The following ASB1 variants were observed in gnomAD, a reference collection of about 807,000 sequenced individuals.
ASB1 encodes the protein ankyrin repeat and SOCS box containing 1.
A neutral mutation model predicts 27.7 loss-of-function variants in ASB1; 18 were observed. The ratio of observed to expected loss-of-function variants is 0.65; its 90% confidence interval spans 0.45 to 0.96. The LOEUF (loss-of-function observed/expected upper bound fraction) is 0.96. Ranked by LOEUF, ASB1 falls within the 50% of genes least tolerant of loss-of-function variation. The pLI, the probability that ASB1 is intolerant of heterozygous loss-of-function variation, is 0.00. For synonymous variants in ASB1, 189 were observed against 187.6 expected, an observed-to-expected ratio of 1.01 and a Z score of -0.06; for missense variants, 397 against 451.7, an observed-to-expected ratio of 0.88 and a Z score of 1.10.
chr2:238,440,073 C>T (rs1012545191), intron 3 of ASB1, among the ~76,000 whole-genome samples: 2 of 152,142 alleles, frequency 1.3e-5, no homozygotes, highest in Admixed American at 1.3e-4. Flanking sequence ...CATCTCTGTC[C>T]TTTTAACATG....
At chr2:238,434,084 A>G (rs549214205) in intron 2 of ASB1, among the ~76,000 whole-genome samples, 2 of 151,576 alleles carry the variant, frequency 1.3e-5, no homozygotes, top group African/African-American at 4.8e-5. Context: ...CTGCTTCACC[A>G]CCTTCCCTAG....
intron 1 of ASB1, among the ~76,000 whole-genome samples, chr2:238,429,488 G>T (rs1290189163): frequency 6.6e-6 from 1 of 152,156 alleles, no homozygotes; most frequent in Non-Finnish European, 1.5e-5. Context: ...TGTGATGCCG[G>T]TTTATCACAT....
chr2:238,438,936 A>G (rs1437113780), intron 3 of ASB1, among the ~76,000 whole-genome samples: 1 of 152,228 alleles, frequency 6.6e-6, no homozygotes, highest in Non-Finnish European at 1.5e-5. Flanking sequence ...GCAATAGAGG[A>G]ATTTGGAAAA....
At chr2:238,427,233 C>T in intron 1 of ASB1, 114 bp downstream of exon 1, 2 of 810,606 alleles carry the variant, frequency 2.5e-6, no homozygotes, top group Non-Finnish European at 3.3e-6. Flanking sequence ...GTCCACGGGG[C>T]AGCCAGGGAG....
chr2:238,444,754 T>C (rs765663759), intron 4 of ASB1, 27 bp downstream of exon 4: 6 of 1,568,688 alleles, frequency 3.8e-6, no homozygotes, highest in East Asian at 2.3e-5. Flanking sequence ...CAGCTCTGAC[T>C]TGTGGGCTGG....
intron 2 of ASB1, among the ~76,000 whole-genome samples, 165 bp downstream of exon 2, chr2:238,433,860 G>A (rs1701918057): frequency 6.6e-6 from 1 of 152,234 alleles, no homozygotes; most frequent in Non-Finnish European, 1.5e-5. Flanking sequence ...GGTCAGAGTT[G>A]TAGGAGACAG....
At chr2:238,444,310 G>A (rs761654296) in intron 3 of ASB1, 32 bp from the exon 4 acceptor site, 5 of 1,576,310 alleles carry the variant, frequency 3.2e-6, no homozygotes, top group Non-Finnish European at 4.3e-6. Context: ...TCAGTCCCCT[G>A]CACAGTCTGA....
At position 238,447,867 on chromosome 2, in the gene ASB1, A is replaced by C. The variant is rs1702209636; in HGVS notation, c.*1356A>C. 2 of 152,270 alleles carry C rather than the reference A, an allele frequency of 1.3e-5. No individual in the cohort carries two copies. Among genetic ancestry groups the C allele is most frequent in the African/African-American group, 2.4e-5 (1 of 41,460 alleles). 9.4% of individuals were successfully genotyped at this position (152,270 alleles called of 1,614,324 possible). ...CTTAGCAGGCAGGCAGTGTCTGGCC[A>C]TTATTGCGTTCTACAGCCAGAGGAT... On this transcript the variant is annotated 3_prime_UTR_variant, in exon 5 of 5. Coordinates refer to ENST00000264607, the MANE Select transcript of ASB1 (RefSeq NM_001040445.3).
At chr2:238,433,794 T>C in intron 2 of ASB1, 99 bp downstream of exon 2, 5 of 1,390,000 alleles carry the variant, frequency 3.6e-6, no homozygotes, top group Non-Finnish European at 4.9e-6. Context: ...ACCTTGATGT[T>C]GGGAGGAATG....
In ASB1 at chr2:238,444,443, G is replaced by C; in HGVS notation, c.596G>C (p.Ser199Thr). 1 of 1,614,160 alleles carries C rather than the reference G, an allele frequency of 6.2e-7. No individual in the cohort carries two copies. The highest frequency in any genetic ancestry group is 8.5e-7 in the Non-Finnish European group (1 of 1,180,028). The change falls in exon 4 of 5, where the codon AGC becomes ACC. Residue 199 changes from serine to threonine, a missense_variant. By Grantham distance (58) the Ser-to-Thr change is moderately conservative (BLOSUM62 1). Transcript: ENST00000264607. ...TTGGTGGTCTGCCCCTTGTACATCA[G>C]CGCAGCCTACCACAACCTCCAGTGC... The part of the protein sequence containing the change: ...TSLVVCPLYI[S>T]AAYHNLQCFR...
intron 2 of ASB1, 64 bp from the exon 3 acceptor site, chr2:238,435,647 G>T: frequency 6.7e-7 from 1 of 1,503,658 alleles, no homozygotes. Flanking sequence ...GGGTGAGGGG[G>T]GCAGTGCAGC....
intron 3 of ASB1, among the ~76,000 whole-genome samples, chr2:238,439,565 T>C (rs1559414579): frequency 6.6e-6 from 1 of 152,170 alleles, no homozygotes; most frequent in Non-Finnish European, 1.5e-5. Context: ...TCCCCACATA[T>C]TGTCCTTTCC....
intron 3 of ASB1, among the ~76,000 whole-genome samples, chr2:238,442,811 C>T (rs1203910174): frequency 6.6e-6 from 1 of 152,196 alleles, no homozygotes; most frequent in Non-Finnish European, 1.5e-5. Context: ...TACACCCTCC[C>T]TTGTTTGAGA....
chr2:238,442,062 G>T (rs1057453021), intron 3 of ASB1, among the ~76,000 whole-genome samples: 1 of 152,050 alleles, frequency 6.6e-6, no homozygotes, highest in African/African-American at 2.4e-5. Context: ...TCTGTTCCGA[G>T]TGAGGCTGAG....
At chr2:238,437,292 C>T (rs930016680) in intron 3 of ASB1, among the ~76,000 whole-genome samples, 2 of 151,918 alleles carry the variant, frequency 1.3e-5, no homozygotes, top group African/African-American at 2.4e-5. Flanking sequence ...AGTGCAGTGG[C>T]GCGATCTTGG....
rs2106414398 is a variant in ASB1 at position 238,452,021 on chromosome 2, A to G, written c.*5510A>G. 1 of 152,148 alleles carries G rather than the reference A, an allele frequency of 6.6e-6. No individual in the cohort carries two copies. Among genetic ancestry groups the G allele is most frequent in the East Asian group, 1.9e-4 (1 of 5,162 alleles). 9.4% of individuals were successfully genotyped at this position (152,148 alleles called of 1,614,324 possible). A position where few individuals can be genotyped will look rare whatever the true frequency, so the allele number is the denominator to read the frequency against. ...GTGGCTCGTGGTTTCCAGTTTGAAG[A>G]GAGTTGTGCCCCTAAAAGTGTTTGA... is the stretch of plus-strand genomic sequence containing the variant. On this transcript the variant is annotated 3_prime_UTR_variant, in exon 5 of 5. Coordinates refer to ENST00000264607, the MANE Select transcript of ASB1 (RefSeq NM_001040445.3).
At chr2:238,430,819 G>T (rs1701856831) in intron 1 of ASB1, among the ~76,000 whole-genome samples, 1 of 152,142 alleles carries the variant, frequency 6.6e-6, no homozygotes, top group African/African-American at 2.4e-5. Context: ...TCGGTGACTA[G>T]GCATATTGTC....
chr2:238,435,691 C>T lies in ASB1; in HGVS notation c.192-20C>T. 2 of 1,601,438 alleles carry T rather than the reference C, an allele frequency of 1.2e-6. No homozygotes were observed. The highest frequency in any genetic ancestry group is 1.7e-6 in the Non-Finnish European group (2 of 1,172,988). ...GTCCTGCGGCTGCCTCTCATGAGCCCCCTTGTGTTCCTCCTGCAGCCGCAT... is the reference window on the plus strand; with the variant it reads ...GTCCTGCGGCTGCCTCTCATGAGCCTCCTTGTGTTCCTCCTGCAGCCGCAT... On this transcript the variant is annotated intron_variant, in intron 2 of 4. Transcript: ENST00000264607.
chr2:238,427,132 C>T lies in ASB1; in HGVS notation c.49+13C>T, dbSNP rs1271171430. The T allele has an allele frequency of 4.0e-6, 5 of 1,244,486 alleles. No homozygotes were observed. In the African/African-American group the frequency reaches 6.2e-5, roughly 16 times the overall value. 77.1% of individuals were successfully genotyped at this position (1,244,486 alleles called of 1,614,324 possible). A position where few individuals can be genotyped will look rare whatever the true frequency, so the allele number is the denominator to read the frequency against. ...CCGGGCTCCGCAGGTAACGTGCGCG[C>T]GGCCACTGGGCCGCGGGGCGTGTGG... On this transcript the variant is annotated intron_variant, in intron 1 of 4. Transcript: ENST00000264607.
Sources: gnomAD v4.1 joint callset for allele counts (sites outside exome capture counted in the v4.1 genomes callset) on GRCh38, gnomAD v4.1.1 for gene constraint, MANE v1.5 for transcripts, NCBI Gene and HGNC (gene_info 2026-07-23, HGNC 2026-07-21) for gene names.